CRYZ: variants seen among roughly 807,000 people sequenced by gnomAD.
The protein encoded by CRYZ is zeta-crystallin.
Under a neutral mutation model 34.1 loss-of-function variants are expected in CRYZ, and 35 were observed. The ratio of observed to expected loss-of-function variants is 1.03; its 90% CI spans 0.78 to 1.36. The LOEUF is 1.36. CRYZ is among the 40% of genes most tolerant of loss of function. The pLI, the probability that CRYZ is intolerant of heterozygous loss-of-function variation, is 0.00. For synonymous variants in CRYZ, 137 were observed against 136.5 expected (o/e 1.00, Z -0.03); for missense variants, 403 against 391.8 (o/e 1.03, Z -0.24).
chr1:74,719,551 A>C (rs1452484680), intron 3 of CRYZ, among the ~76,000 whole-genome samples, 179 bp from the exon 4 acceptor site: 1 of 151,646 alleles, frequency 6.6e-6, no homozygotes, highest in Non-Finnish European at 1.5e-5. Context: ...GCTGGAGTGC[A>C]ATGGCATGAT....
chr1:74,712,451 C>T (rs1320839150), intron 5 of CRYZ, among the ~76,000 whole-genome samples: 1 of 152,036 alleles, frequency 6.6e-6, no homozygotes, highest in Non-Finnish European at 1.5e-5. Context: ...CAGGGAGGAC[C>T]GGGTTCGGCA....
At chr1:74,714,738 A>ACAAACAG (rs758455007) in intron 4 of CRYZ, 108 bp from the exon 5 acceptor site, 5 of 1,047,042 alleles carry the variant, frequency 4.8e-6, no homozygotes, top group Non-Finnish European at 7.3e-6. Context: ...TAACACTTAC[A>ACAAACAG]CAAACAGCAA....
chr1:74,726,471 C>G (rs550328603), intron 1 of CRYZ, among the ~76,000 whole-genome samples: 1 of 152,326 alleles, frequency 6.6e-6, no homozygotes, highest in African/African-American at 2.4e-5. Flanking sequence ...CACCAAGTCC[C>G]TAGGCTGCAC....
At position 74,723,193 on chromosome 1, in the gene CRYZ, TG is replaced by T; in HGVS notation, c.188del (p.Pro63HisfsTer14). Reference protein sequence around the residue: ...YIRSGTYSRKPLLPYTPGSDV... With the variant: ...YIRSGTYSRKXLLPYTPGSDV... ...CTGAGCCAGGAGTATAGGGTAAGAG[TG>T]GTTTTCTACTATAAGTACCAGAGCG... On this transcript the variant is annotated frameshift_variant, in exon 3 of 9. Transcript: ENST00000340866. LOFTEE classifies it high-confidence loss of function. 6.2e-7 allele frequency: 1 copy of T among 1,613,958 alleles called. No individual in the cohort carries two copies. The highest frequency in any genetic ancestry group is 8.5e-7 in the Non-Finnish European group (1 of 1,179,930).
At chr1:74,722,622 A>G (rs374199276) in intron 3 of CRYZ, among the ~76,000 whole-genome samples, 33 of 113,976 alleles carry the variant, frequency 2.9e-4, no homozygotes, top group Admixed American at 9.0e-4. Flanking sequence ...GTGTGTGTGT[A>G]TATATATATA....
intron 4 of CRYZ, among the ~76,000 whole-genome samples, chr1:74,716,533 C>T (rs1169487304): frequency 1.3e-5 from 2 of 152,142 alleles, no homozygotes; most frequent in Non-Finnish European, 1.5e-5. Context: ...GAAAGAAAAT[C>T]AAGCATCACA....
rs1455058797 is a variant in CRYZ at position 74,724,836 on chromosome 1, T to C, written c.-13-2A>G. On this transcript the variant is annotated splice_acceptor_variant, in intron 1 of 8. Coordinates refer to ENST00000340866, the MANE Select transcript of CRYZ (RefSeq NM_001889.4). LOFTEE classifies it low-confidence loss of function (5UTR_SPLICE). ...CCAGTCGCCATGGTGATCTAGATACTAAGGAAGAAAAAAAATTAATGTATT... is the reference window on the plus strand; with the variant it reads ...CCAGTCGCCATGGTGATCTAGATACCAAGGAAGAAAAAAAATTAATGTATT... The C allele has an allele frequency of 6.5e-7, 1 of 1,536,052 alleles. No homozygotes were observed. Among genetic ancestry groups the C allele is most frequent in the Non-Finnish European group, 9.0e-7 (1 of 1,116,946 alleles).
rs886395598 is a variant in CRYZ at position 74,724,566 on chromosome 1, C to G, written c.111+145G>C. ...ATTATCAGGTTTATGTTAACTTTAT[C>G]AATGTCCATATGTATACATAGTGTA... On this transcript the variant is annotated intron_variant, in intron 2 of 8. Coordinates refer to ENST00000340866, the MANE Select transcript of CRYZ (RefSeq NM_001889.4). 1.6e-5 allele frequency: 8 copies of G among 513,750 alleles called. No homozygotes were observed. The African/African-American group carries it at 1.6e-4, about 10-fold the overall frequency. The allele number at this position is 513,750 out of a possible 1,614,324, so 31.8% of individuals were successfully genotyped here.
At chr1:74,724,560 C>T in intron 2 of CRYZ, 151 bp downstream of exon 2, 1 of 509,298 alleles carries the variant, frequency 2.0e-6, no homozygotes, top group Non-Finnish European at 3.5e-6. Flanking sequence ...TTTATGTTAA[C>T]TTTATCAATG....
chr1:74,710,067 T>C (rs1219225738), intron 6 of CRYZ, 31 bp downstream of exon 6: 4 of 1,597,816 alleles, frequency 2.5e-6, no homozygotes, highest in South Asian at 2.2e-5. Flanking sequence ...GGAACAAAGT[T>C]TGACTTTTGT....
chr1:74,731,815 T>C (rs72970030), intron 1 of CRYZ, among the ~76,000 whole-genome samples: 5,002 of 152,262 alleles, frequency 0.033, 259 homozygotes, highest in African/African-American at 0.11. Context: ...GGTTTAATCA[T>C]TGACACACCT....
At chr1:74,718,010 G>A (rs1265658189) in intron 4 of CRYZ, among the ~76,000 whole-genome samples, 2 of 150,810 alleles carry the variant, frequency 1.3e-5, no homozygotes, top group African/African-American at 4.8e-5. Flanking sequence ...TTATCCAATA[G>A]GCTACTGAAC....
chr1:74,708,009 G>A (rs1168996046), intron 6 of CRYZ: 2 of 152,158 alleles, frequency 1.3e-5, no homozygotes, highest in African/African-American at 4.8e-5. Flanking sequence ...CAGAGACGAT[G>A]AACTGGGCCC....
chr1:74,707,431 C>T (rs1646945502), intron 6 of CRYZ: 1 of 301,388 alleles, frequency 3.3e-6, no homozygotes, highest in South Asian at 9.7e-5. Context: ...AAATACATTG[C>T]TGTAGTGAAA....
In CRYZ at chr1:74,706,334, C is replaced by T; in HGVS notation, c.952G>A (p.Gly318Ser). The change falls in exon 9 of 9, where the codon GGT (glycine) becomes AGT (serine). Residue 318 changes from glycine (G) to serine (S), a missense_variant. Physicochemically the swap from Gly to Ser is moderately conservative, Grantham distance 56. Coordinates refer to ENST00000340866, the MANE Select transcript of CRYZ (RefSeq NM_001889.4). ...ATCATTTTTCCAGTAGCCCCACTACCATGAATGATATTTTCATGAGCCTCG... is the reference window on the plus strand; with the variant it reads ...ATCATTTTTCCAGTAGCCCCACTACTATGAATGATATTTTCATGAGCCTCG... ...VAEAHENIIH[G>S]SGATGKMILL... 3 of 1,611,688 alleles carry T rather than the reference C, an allele frequency of 1.9e-6. No homozygotes were observed. Among genetic ancestry groups the T allele is most frequent in the Non-Finnish European group, 2.5e-6 (3 of 1,178,926 alleles).
At chr1:74,727,007 A>C (rs1363737990) in intron 1 of CRYZ, among the ~76,000 whole-genome samples, 1 of 152,052 alleles carries the variant, frequency 6.6e-6, no homozygotes, top group Non-Finnish European at 1.5e-5. Context: ...AGACCACCTC[A>C]GCCTGGACTT....
intron 3 of CRYZ, among the ~76,000 whole-genome samples, chr1:74,720,568 T>C (rs1309706281): frequency 6.6e-6 from 1 of 152,168 alleles, no homozygotes; most frequent in East Asian, 1.9e-4. Flanking sequence ...ATTAAGGTAA[T>C]GATTGCTCAG....
chr1:74,719,441 T>C, intron 3 of CRYZ, 69 bp from the exon 4 acceptor site: 2 of 1,417,530 alleles, frequency 1.4e-6, no homozygotes, highest in Non-Finnish European at 9.6e-7. Context: ...GTATAATCCT[T>C]TATAACAAGA....
intron 2 of CRYZ, among the ~76,000 whole-genome samples, chr1:74,724,043 A>G (rs1647218692): frequency 6.6e-6 from 1 of 150,870 alleles, no homozygotes; most frequent in Non-Finnish European, 1.5e-5. Flanking sequence ...TAGGTTGGGT[A>G]AAAAAAAATA....
Sources: gnomAD v4.1 joint callset for allele counts (sites outside exome capture counted in the v4.1 genomes callset) on GRCh38, gnomAD v4.1.1 for gene constraint, MANE v1.5 for transcripts, NCBI Gene and HGNC (gene_info 2026-07-23, HGNC 2026-07-21) for gene names.